TTLL1: variants seen among roughly 807,000 people sequenced by gnomAD.
TTLL1 encodes polyglutamylase complex subunit TTLL1.
TTLL1 carries 33 observed loss-of-function variants against 47.8 expected under a neutral mutation model. That is an observed-to-expected ratio of 0.69 (90% CI 0.52 to 0.92). The LOEUF is 0.92. TTLL1 is among the 40% of genes least tolerant of loss of function. The pLI is 0.00. For missense variants in TTLL1, 488 were observed against 547.5 expected, an observed-to-expected ratio of 0.89 and a Z score of 1.08; for synonymous variants, 225 against 214.1, an observed-to-expected ratio of 1.05 and a Z score of -0.45.
intron 10 of TTLL1, among the ~76,000 whole-genome samples, chr22:43,042,301 C>G (rs1925746711): frequency 6.6e-6 from 1 of 152,144 alleles, no homozygotes; most frequent in Admixed American, 6.6e-5. Context: ...CAGAAAGGAG[C>G]ATTTGGCAAG....
chr22:43,069,931 C>A (rs920525504), intron 3 of TTLL1, 87 bp from the exon 4 acceptor site: 3 of 1,527,704 alleles, frequency 2.0e-6, no homozygotes, highest in Non-Finnish European at 2.6e-6. Flanking sequence ...CACCCTGAAC[C>A]CTCAGCACCC....
At chr22:43,045,518 C>A (rs1926053947) in intron 10 of TTLL1, among the ~76,000 whole-genome samples, 1 of 114,248 alleles carries the variant, frequency 8.8e-6, no homozygotes, top group Non-Finnish European at 1.7e-5. Context: ...GCTATGTTTG[C>A]CAGCCTGGTC....
At chr22:43,072,575 A>T (rs1018456691) in intron 3 of TTLL1, among the ~76,000 whole-genome samples, 19 of 151,910 alleles carry the variant, frequency 1.3e-4, no homozygotes, top group Non-Finnish European at 2.6e-4. Context: ...GGGCTCAAGC[A>T]AGCCTCCCAC....
intron 6 of TTLL1, 113 bp downstream of exon 6, chr22:43,064,077 G>A (rs1927568758): frequency 2.6e-6 from 4 of 1,523,730 alleles, no homozygotes; most frequent in African/African-American, 1.4e-5. Context: ...TCCCTGCCCC[G>A]TGCCAGGCAC....
At chr22:43,056,667 C>A (rs1005951045) in intron 8 of TTLL1, among the ~76,000 whole-genome samples, 3 of 151,720 alleles carry the variant, frequency 2.0e-5, no homozygotes, top group Non-Finnish European at 4.4e-5. Flanking sequence ...CACCTGTAGT[C>A]CCAGCTACTT....
chr22:43,079,544 C>A (rs184440610), intron 2 of TTLL1, among the ~76,000 whole-genome samples: 1 of 152,350 alleles, frequency 6.6e-6, no homozygotes, highest in East Asian at 1.9e-4. Context: ...CTGGGGACCA[C>A]CCCCCAACCA....
intron 9 of TTLL1, among the ~76,000 whole-genome samples, chr22:43,048,983 G>C (rs1926377243): frequency 6.6e-6 from 1 of 152,060 alleles, no homozygotes; most frequent in South Asian, 2.1e-4. Context: ...CTCTGCAAAA[G>C]AGGGGAGTGA....
chr22:43,072,154 C>CTTT (rs60673775), intron 3 of TTLL1, among the ~76,000 whole-genome samples: 5 of 138,880 alleles, frequency 3.6e-5, no homozygotes, highest in Non-Finnish European at 6.2e-5. Flanking sequence ...TTTTCTTTTT[C>CTTT]TTTTTTTTTT....
At chr22:43,042,163 G>T (rs1294194175) in intron 10 of TTLL1, among the ~76,000 whole-genome samples, 1 of 152,204 alleles carries the variant, frequency 6.6e-6, no homozygotes, top group Non-Finnish European at 1.5e-5. Flanking sequence ...GTTCGTGGCT[G>T]CCCCCAGCAG....
Position 43,077,840 on chromosome 22 carries a change from C to T in TTLL1, c.-5+2062G>A, listed in dbSNP as rs372594583. 5.8e-4 allele frequency among the ~76,000 whole-genome samples: 88 copies of T among 152,336 alleles called. No homozygotes were observed. In the East Asian group the frequency reaches 0.012, roughly 21 times the overall value. On this transcript the variant is annotated intron_variant, in intron 2 of 10. Coordinates refer to ENST00000266254, the MANE Select transcript of TTLL1 (RefSeq NM_012263.5). ...ACAATCTTCTGGCCGGGCGCGGTGG[C>T]TCACGCCTATAATCCCAGCACTTTG...
chr22:43,059,327 C>G (rs1005100551), intron 8 of TTLL1, 57 bp downstream of exon 8: 12 of 1,560,822 alleles, frequency 7.7e-6, no homozygotes, highest in Non-Finnish European at 9.5e-6. Context: ...AGACAGCAAG[C>G]CCCCCCACTC....
intron 3 of TTLL1, among the ~76,000 whole-genome samples, chr22:43,073,874 T>G (rs1220440668): frequency 9.2e-5 from 14 of 151,552 alleles, no homozygotes; most frequent in Non-Finnish European, 2.9e-5. Context: ...CAGGTTGGAG[T>G]GCAGTGGCGC....
chr22:43,055,479 G>A (rs1288446675), intron 8 of TTLL1, among the ~76,000 whole-genome samples: 1 of 151,986 alleles, frequency 6.6e-6, no homozygotes, highest in African/African-American at 2.4e-5. Context: ...CTATAGGCAT[G>A]CACCACCATG....
chr22:43,068,497 G>A lies in TTLL1; in HGVS notation c.416C>T (p.Pro139Leu), dbSNP rs1251146776. ...GCCCTTTCCCTGGGCCTTGCCACAA[G>A]GCTTCATGATCCAGGTGCTGGACGG... ...KSPSSTWIMK[P>L]CGKAQGKGIF... Residue 139 changes from proline (P) to leucine (L), a missense_variant, in exon 5 of 11, where the codon CCT becomes CTT. Coordinates refer to ENST00000266254, the MANE Select transcript of TTLL1 (RefSeq NM_012263.5). The A allele has an allele frequency of 1.9e-6, 3 of 1,580,584 alleles. No individual in the cohort carries two copies. Among genetic ancestry groups the A allele is most frequent in the African/African-American group, 1.3e-5 (1 of 74,462 alleles).
intron 7 of TTLL1, among the ~76,000 whole-genome samples, chr22:43,061,163 G>A (rs5759128): frequency 2.0e-5 from 3 of 152,046 alleles, no homozygotes; most frequent in Non-Finnish European, 4.4e-5. Context: ...GTACTCCAGC[G>A]TGGGTGACAG....
chr22:43,072,555 T>C (rs1006703272), intron 3 of TTLL1, among the ~76,000 whole-genome samples: 1 of 152,156 alleles, frequency 6.6e-6, no homozygotes, highest in African/African-American at 2.4e-5. Context: ...CACTGTAGTC[T>C]TGACCTCCTG....
At chr22:43,051,420 C>T (rs1453242786) in intron 9 of TTLL1, among the ~76,000 whole-genome samples, 1 of 152,190 alleles carries the variant, frequency 6.6e-6, no homozygotes, top group Non-Finnish European at 1.5e-5. Context: ...TGTGCTCCTG[C>T]TGGCCAAGGG....
chr22:43,077,049 G>A (rs1029426094), intron 2 of TTLL1, among the ~76,000 whole-genome samples: 6 of 151,724 alleles, frequency 4.0e-5, no homozygotes, highest in African/African-American at 7.3e-5. Context: ...TGCAGTGAGC[G>A]GAGATCGCAC....
intron 3 of TTLL1, among the ~76,000 whole-genome samples, chr22:43,074,216 C>T (rs1020909989): frequency 3.3e-5 from 5 of 151,216 alleles, no homozygotes; most frequent in African/African-American, 1.2e-4. Context: ...CACCTGAGGT[C>T]GGGAGTTCGA....
Sources: gnomAD v4.1 joint callset for allele counts (sites outside exome capture counted in the v4.1 genomes callset) on GRCh38, gnomAD v4.1.1 for gene constraint, MANE v1.5 for transcripts, NCBI Gene and HGNC (gene_info 2026-07-23, HGNC 2026-07-21) for gene names.